CHD5: variants seen among roughly 807,000 people sequenced by gnomAD.
CHD5 encodes the protein ATP-dependent chromatin remodeler CHD5.
In CHD5, 69 loss-of-function variants were observed where a neutral mutation model predicts 230.3. The observed-to-expected ratio is 0.30, with a 90% CI of 0.25 to 0.37. The LOEUF (loss-of-function observed/expected upper bound fraction) is 0.37. CHD5 is among the 10% of genes least tolerant of loss of function. The pLI is 1.00. For synonymous variants in CHD5, 1,064 were observed against 1,065.9 expected (o/e 1.00, Z 0.03); for missense variants, 1,827 against 2,622.8 (o/e 0.70, Z 6.63).
rs371800669 is a variant in CHD5 at position 6,121,476 on chromosome 1, C to T, written c.4779+18G>A. The T allele has an allele frequency of 1.2e-5, 20 of 1,603,998 alleles. No homozygotes were observed. Among genetic ancestry groups the T allele is most frequent in the Middle Eastern group, 1.7e-4 (1 of 5,980 alleles). On this transcript the variant is annotated intron_variant, in intron 32 of 41. Coordinates refer to ENST00000262450, the MANE Select transcript of CHD5 (RefSeq NM_015557.3). This position sits in a 1 kb window ranked among gnomAD's most constrained non-coding sequence, Gnocchi z 4.5. ...ACCCCACACACACCACAGGCCCAGA[C>T]GCCAGCAAGTTCCACACCTGGACTT... is the stretch of plus-strand genomic sequence containing the variant.
chr1:6,106,311 G>A (rs955170108), intron 40 of CHD5, 24 bp from the exon 41 acceptor site: 2 of 1,612,790 alleles, frequency 1.2e-6, no homozygotes, highest in Non-Finnish European at 1.7e-6. Context: ...AGGAGAGCCG[G>A]GCTTGCCTGA....
intron 1 of CHD5, among the ~76,000 whole-genome samples, chr1:6,171,508 C>G (rs1667339045): frequency 9.7e-6 from 1 of 102,858 alleles, no homozygotes; most frequent in Admixed American, 9.8e-5. Flanking sequence ...TATGACACTG[C>G]CCCCCCCAAC....
Position 6,159,617 on chromosome 1 carries a change from G to A in CHD5, c.208-102C>T, listed in dbSNP as rs113922162. 684 of 895,448 alleles carry A rather than the reference G, an allele frequency of 7.6e-4. 6 individuals carry two copies. The African/African-American group carries it at 0.01, about 13-fold the overall frequency. The allele number at this position is 895,448 out of a possible 1,614,324, so 55.5% of individuals were successfully genotyped here. On this transcript the variant is annotated intron_variant, in intron 2 of 41. Coordinates refer to ENST00000262450, the MANE Select transcript of CHD5 (RefSeq NM_015557.3). Reference sequence around the variant, plus strand: ...AGAGCTACCTCCTGGCCCACGCTGGGGATCGACCGATCCCCATCACTCCAC... The same window carrying A: ...AGAGCTACCTCCTGGCCCACGCTGGAGATCGACCGATCCCCATCACTCCAC...
At chr1:6,147,377 G>T (rs1368674964) in intron 9 of CHD5, among the ~76,000 whole-genome samples, 2 of 152,204 alleles carry the variant, frequency 1.3e-5, no homozygotes, top group Non-Finnish European at 2.9e-5. Context: ...CCCGGGGCAG[G>T]GCTGCACCCA....
At chr1:6,136,946 G>A (rs1434160341) in intron 15 of CHD5, 81 bp from the exon 16 acceptor site, 16 of 1,462,928 alleles carry the variant, frequency 1.1e-5, no homozygotes, top group South Asian at 9.3e-5. Context: ...AGCCAAGAAG[G>A]AGGTGTGCAC....
At chr1:6,148,796 C>G (rs1445790205) in intron 9 of CHD5, 58 bp downstream of exon 9, 1 of 1,085,358 alleles carries the variant, frequency 9.2e-7, no homozygotes, top group Non-Finnish European at 1.2e-6. Flanking sequence ...CCCCTGGGGG[C>G]GGGGCCTGTT....
intron 33 of CHD5, among the ~76,000 whole-genome samples, chr1:6,114,578 G>A (rs1309020091): frequency 1.3e-5 from 2 of 151,428 alleles, no homozygotes; most frequent in Middle Eastern, 3.2e-3. Context: ...TTTTAAGAAA[G>A]TTTATGAATT....
intron 1 of CHD5, among the ~76,000 whole-genome samples, chr1:6,179,355 G>A (rs888549987): frequency 6.6e-6 from 1 of 152,114 alleles, no homozygotes; most frequent in Non-Finnish European, 1.5e-5. Flanking sequence ...CCAGGAAAGA[G>A]GAGCAGGGGT....
At chr1:6,111,953 C>G (rs1180863575) in intron 35 of CHD5, 70 bp from the exon 36 acceptor site, 50 of 1,457,590 alleles carry the variant, frequency 3.4e-5, no homozygotes, top group Non-Finnish European at 4.3e-5. Flanking sequence ...GCTTGGAGAG[C>G]CGCTCCCTCC....
intron 36 of CHD5, among the ~76,000 whole-genome samples, chr1:6,111,549 AAGAG>A (rs1666289813): frequency 6.6e-6 from 1 of 151,680 alleles, no homozygotes; most frequent in African/African-American, 2.4e-5. Flanking sequence ...AAAAAAAAAA[AAGAG>A]AGAGCAATGT....
At position 6,167,034 on chromosome 1, in the gene CHD5, G is replaced by A. The variant is rs113902003; in HGVS notation, c.207+1116C>T. Among the ~76,000 whole-genome samples, 152 of 152,256 alleles carry A rather than the reference G, an allele frequency of 1.0e-3. No individual in the cohort carries two copies. The highest frequency in any genetic ancestry group is 3.3e-3 in the African/African-American group (138 of 41,544). ...TCACTCTGCAGGGAGGCCTAGATCC[G>A]GGCCCAGCGCTGCCAAGGGCACCCC... On this transcript the variant is annotated intron_variant, in intron 2 of 41. Transcript: ENST00000262450. This position sits in a 1 kb window ranked among gnomAD's most constrained non-coding sequence, Gnocchi z 4.5.
At chr1:6,140,006 G>A (rs1172216689) in intron 15 of CHD5, among the ~76,000 whole-genome samples, 1 of 152,160 alleles carries the variant, frequency 6.6e-6, no homozygotes, top group Admixed American at 6.5e-5. Context: ...GGACTCGGAG[G>A]GCCTGTGCGA....
At position 6,154,017 on chromosome 1, in the gene CHD5, G is replaced by A. The variant is rs1218057081; in HGVS notation, c.745+643C>T. Among the ~76,000 whole-genome samples, 6 of 151,920 alleles carry A rather than the reference G, an allele frequency of 3.9e-5. No individual in the cohort carries two copies. Among genetic ancestry groups the A allele is most frequent in the African/African-American group, 1.2e-4 (5 of 41,344 alleles). On this transcript the variant is annotated intron_variant, in intron 5 of 41. Coordinates refer to ENST00000262450, the MANE Select transcript of CHD5 (RefSeq NM_015557.3). The surrounding 1 kb of genome is among the most constrained non-coding windows in gnomAD (Gnocchi z 7.0). ...CTGCCTGCATCCTCCCCACCCAGAC[G>A]CCCTGCCACTGAGGCAGAATTTGGA...
rs115312611 is a variant in CHD5, at chr1:6,134,666, C to G, written c.3012+52G>C. 9 of 1,559,076 alleles carry G rather than the reference C, an allele frequency of 5.8e-6. No individual in the cohort carries two copies. In the African/African-American group the frequency reaches 1.0e-4, roughly 18 times the overall value. On this transcript the variant is annotated intron_variant, in intron 19 of 41. Transcript: ENST00000262450. This position sits in a 1 kb window ranked among gnomAD's most constrained non-coding sequence, Gnocchi z 6.3. ...AGGGACCTACCATGGCGGCCACAGG[C>G]ACCTACCATGGCGGTCATGGAGAAG...
rs966609137 is a variant in CHD5, at chr1:6,126,108, G to A, written c.4079-250C>T. On this transcript the variant is annotated intron_variant, in intron 26 of 41. Coordinates refer to ENST00000262450, the MANE Select transcript of CHD5 (RefSeq NM_015557.3). This position sits in a 1 kb window ranked among gnomAD's most constrained non-coding sequence, Gnocchi z 5.7. ...AGGGACGTGCCCAAGGCCACGTCAC[G>A]AGCAGTGGTGAAGTCACTGAACTGA... Among the ~76,000 whole-genome samples, 16 of 152,092 alleles carry A rather than the reference G, an allele frequency of 1.1e-4. No individual in the cohort carries two copies. Among genetic ancestry groups the A allele is most frequent in the Admixed American group, 2.6e-4 (4 of 15,286 alleles).
rs1667134095 is a variant in CHD5 at position 6,159,498 on chromosome 1, T to G, written c.225A>C (p.Leu75=). 1 of 1,599,218 alleles carries G rather than the reference T, an allele frequency of 6.3e-7. No homozygotes were observed. The highest frequency in any genetic ancestry group is 1.7e-5 in the Admixed American group (1 of 58,966). The stretch of plus-strand genomic sequence containing the variant: ...CTTCCAGATCCTCTTCATTCTCTGA[T>G]AGCTCATCATTGCTCCCCTGGAAAA... ...RKKKEGSNDE[L]SENEEDLEEK... is the part of the protein sequence containing the mutation. The change falls in exon 3 of 42, where the codon CTA becomes CTC. Residue 75 remains leucine, a synonymous_variant. Transcript: ENST00000262450.
chr1:6,179,452 G>A (rs1438569545), intron 1 of CHD5, among the ~76,000 whole-genome samples: 1 of 152,088 alleles, frequency 6.6e-6, no homozygotes, highest in Non-Finnish European at 1.5e-5. Context: ...CCCAAGCACC[G>A]CCGGTCCTCG....
At chr1:6,175,438 T>C (rs910412089) in intron 1 of CHD5, among the ~76,000 whole-genome samples, 1 of 149,366 alleles carries the variant, frequency 6.7e-6, no homozygotes, top group African/African-American at 2.5e-5. Context: ...GGTGGATAGA[T>C]GGATGAATGG....
chr1:6,122,327 G>A (rs1666484967), intron 31 of CHD5, among the ~76,000 whole-genome samples: 1 of 152,198 alleles, frequency 6.6e-6, no homozygotes, highest in Non-Finnish European at 1.5e-5. Context: ...CCAATTAAGT[G>A]TGCAAAGAAT....
Sources: gnomAD v4.1 joint callset for allele counts (sites outside exome capture counted in the v4.1 genomes callset) on GRCh38, gnomAD v4.1.1 for gene constraint, Gnocchi (gnomAD v3.1) non-coding constraint, MANE v1.5 for transcripts, NCBI Gene and HGNC (gene_info 2026-07-23, HGNC 2026-07-21) for gene names.